ATIC: variants seen among roughly 807,000 people sequenced by gnomAD.
ATIC encodes the protein bifunctional purine biosynthesis protein ATIC.
A neutral mutation model predicts 72.5 loss-of-function variants in ATIC; 64 were observed. The ratio of observed to expected loss-of-function variants is 0.88; its 90% CI spans 0.72 to 1.09. The LOEUF (loss-of-function observed/expected upper bound fraction) is 1.09. Ranked by LOEUF, ATIC falls within the 50% of genes least tolerant of loss-of-function variation. The probability of loss-of-function intolerance (pLI) is 0.00; values close to 1 mark genes in which losing one functional copy is unlikely to be tolerated. For missense variants in ATIC, 787 were observed against 732.4 expected (o/e 1.07, Z -0.86); for synonymous variants, 281 against 267.1 (o/e 1.05, Z -0.51).
chr2:215,317,953 G>A (rs1426394412), intron 2 of ATIC, among the ~76,000 whole-genome samples: 1 of 151,920 alleles, frequency 6.6e-6, no homozygotes, highest in African/African-American at 2.4e-5. Context: ...ACAACAGTTA[G>A]GAAATAAATT....
rs761040484 is a variant in ATIC, at chr2:215,346,825, A to G, written c.1387A>G (p.Asn463Asp). ...HCTRLAGDKA[N>D]YWWLRHHPQV... ...CACTCGCCTTGCAGGAGATAAGGCA[A>G]ACTATTGGTGGCTTAGACACCATCC... Residue 463 changes from asparagine (N) to aspartate (D), a missense_variant, in exon 14 of 16, where the codon AAC becomes GAC. Coordinates refer to ENST00000236959, the MANE Select transcript of ATIC (RefSeq NM_004044.7). The G allele has an allele frequency of 6.2e-7, 1 of 1,614,214 alleles. No individual in the cohort carries two copies. The highest frequency in any genetic ancestry group is 8.5e-7 in the Non-Finnish European group (1 of 1,180,044).
chr2:215,355,362 CAGA>C, the ATIC span, among the ~76,000 whole-genome samples: 1 of 152,108 alleles, frequency 6.6e-6, no homozygotes, highest in East Asian at 1.9e-4. Context: ...TTGTTTCCAG[CAGA>C]AGGACAGAAG....
intron 4 of ATIC, among the ~76,000 whole-genome samples, chr2:215,323,136 A>G (rs889415497): frequency 2.0e-5 from 3 of 151,994 alleles, no homozygotes; most frequent in Admixed American, 6.6e-5. Context: ...TAGTAGAGAC[A>G]GGGTTTCACC....
intron 13 of ATIC, among the ~76,000 whole-genome samples, chr2:215,346,478 CTTT>C (rs112969952): frequency 2.1e-5 from 3 of 144,612 alleles, no homozygotes; most frequent in Non-Finnish European, 3.0e-5. Context: ...TTTATTTTAA[CTTT>C]TTTTTTTTTT....
At chr2:215,329,314 A>G (rs2052864503) in intron 7 of ATIC, among the ~76,000 whole-genome samples, 1 of 152,208 alleles carries the variant, frequency 6.6e-6, no homozygotes, top group African/African-American at 2.4e-5. Flanking sequence ...ATTGGACTAT[A>G]TAAAAGCCTT....
At chr2:215,332,624 C>T in intron 8 of ATIC, 117 bp downstream of exon 8, 1 of 1,314,086 alleles carries the variant, frequency 7.6e-7, no homozygotes, top group Non-Finnish European at 1.0e-6. Context: ...ATCTGAAAGT[C>T]ATCTGTTGAT....
chr2:215,331,717 C>T (rs57002929), intron 7 of ATIC, among the ~76,000 whole-genome samples: 5,961 of 151,814 alleles, frequency 0.039, 315 homozygotes, highest in African/African-American at 0.12. Context: ...CCCACCATTT[C>T]TTTCTGTGTG....
chr2:215,338,685 C>T, intron 11 of ATIC, 94 bp from the exon 12 acceptor site: 1 of 1,358,194 alleles, frequency 7.4e-7, no homozygotes, highest in East Asian at 2.6e-5. Flanking sequence ...ATGCATATAA[C>T]TTTACTTACA....
chr2:215,335,072 G>A (rs1401209786), intron 10 of ATIC, 68 bp downstream of exon 10: 2 of 1,077,558 alleles, frequency 1.9e-6, no homozygotes, highest in Non-Finnish European at 2.8e-6. Flanking sequence ...AATGTTAATT[G>A]AAACCATAAC....
chr2:215,312,325 C>A lies in ATIC; in HGVS notation c.19+164C>A, dbSNP rs983044680. The A allele has an allele frequency of 2.2e-5, 33 of 1,481,630 alleles. No individual in the cohort carries two copies. The Middle Eastern group carries it at 6.7e-4, about 30-fold the overall frequency. 91.8% of individuals were successfully genotyped at this position (1,481,630 alleles called of 1,614,324 possible). ...GGGCCGCAGCCTGCGTGGGGCCCGCCTTAGAGCAGCTCGCGGGTGTAAGAC... is the reference window on the plus strand; with the variant it reads ...GGGCCGCAGCCTGCGTGGGGCCCGCATTAGAGCAGCTCGCGGGTGTAAGAC... On this transcript the variant is annotated intron_variant, in intron 1 of 15. Coordinates refer to ENST00000236959, the MANE Select transcript of ATIC (RefSeq NM_004044.7).
the ATIC span, among the ~76,000 whole-genome samples, chr2:215,357,847 T>C: frequency 6.6e-6 from 1 of 150,888 alleles, no homozygotes; most frequent in Non-Finnish European, 1.5e-5. Context: ...CCAACAGCGG[T>C]CTTTTTTTTT....
At chr2:215,361,520 G>A in the ATIC span, 3 of 1,424,824 alleles carry the variant, frequency 2.1e-6, no homozygotes, top group South Asian at 1.1e-5. Context: ...TCTTGGCAGA[G>A]AGACATGCTT....
intron 2 of ATIC, among the ~76,000 whole-genome samples, chr2:215,313,871 T>C (rs1294942786): frequency 6.6e-6 from 1 of 152,190 alleles, no homozygotes; most frequent in East Asian, 1.9e-4. Flanking sequence ...AGTTGGCTCT[T>C]TGCTCATCAG....
At chr2:215,332,261 C>A (rs2052903664) in intron 7 of ATIC, 121 bp from the exon 8 acceptor site, 1 of 1,352,438 alleles carries the variant, frequency 7.4e-7, no homozygotes, top group African/African-American at 1.5e-5. Context: ...TTGTGTGTAT[C>A]TGTTTGGCTC....
In ATIC at chr2:215,326,978, G is replaced by C; in HGVS notation, c.688G>C (p.Val230Leu). The part of the protein sequence containing the change: ...YTLQPKLPIT[V>L]LNGAPGFINL... The stretch of plus-strand genomic sequence containing the variant: ...ACTGCAGCCCAAGCTTCCCATCACA[G>C]GTAAAGCCCGAGCGTTCTGTGGCAT... Residue 230 changes from valine (V) to leucine (L), a missense_variant and splice_region_variant, in exon 7 of 16, where the codon GTT becomes CTT. Transcript: ENST00000236959. 6.2e-7 allele frequency: 1 copy of C among 1,614,166 alleles called. No homozygotes were observed. Among genetic ancestry groups the C allele is most frequent in the Non-Finnish European group, 8.5e-7 (1 of 1,180,028 alleles).
At position 215,326,891 on chromosome 2, in the gene ATIC, G is replaced by T. The variant is rs549649169; in HGVS notation, c.601G>T (p.Val201Leu). 2 of 1,614,090 alleles carry T rather than the reference G, an allele frequency of 1.2e-6. No homozygotes were observed. The highest frequency in any genetic ancestry group is 1.3e-5 in the African/African-American group (1 of 75,038). ...DYFRKQYSKG[V>L]SQMPLRYGMN... is the part of the protein sequence containing the mutation. ...TTTCAGGAAACAGTACAGCAAAGGC[G>T]TATCTCAGATGCCCTTGAGATATGG... Residue 201 changes from valine to leucine, a missense_variant, in exon 7 of 16, where the codon GTA (valine) becomes TTA (leucine). Transcript: ENST00000236959.
chr2:215,333,298 C>A, intron 8 of ATIC, 52 bp from the exon 9 acceptor site: 1 of 1,478,834 alleles, frequency 6.8e-7, no homozygotes, highest in Non-Finnish European at 9.5e-7. Context: ...TAGGAGTTGA[C>A]AGGTAGTAAC....
At position 215,344,769 on chromosome 2, in the gene ATIC, T is replaced by G. The variant is rs1385953619; in HGVS notation, c.1228-10T>G. On this transcript the variant is annotated splice_polypyrimidine_tract_variant and intron_variant, in intron 12 of 15. Transcript: ENST00000236959. ...GCCCCATGCAATTTACCATTGTGTA[T>G]GTGTTTCAGTTGCCAGAGTCTGCCC... 2 of 1,612,078 alleles carry G rather than the reference T, an allele frequency of 1.2e-6. No homozygotes were observed. The highest frequency in any genetic ancestry group is 8.5e-7 in the Non-Finnish European group (1 of 1,178,332).
intron 4 of ATIC, among the ~76,000 whole-genome samples, chr2:215,321,037 T>G (rs1164305536): frequency 1.3e-5 from 2 of 152,164 alleles, no homozygotes; most frequent in Admixed American, 1.3e-4. Flanking sequence ...AAAATGAGAT[T>G]TGGAGAGGAC....
Sources: gnomAD v4.1 joint callset for allele counts (sites outside exome capture counted in the v4.1 genomes callset) on GRCh38, gnomAD v4.1.1 for gene constraint, MANE v1.5 for transcripts, NCBI Gene and HGNC (gene_info 2026-07-23, HGNC 2026-07-21) for gene names.